COPG2: variants seen among roughly 807,000 people sequenced by gnomAD.
COPG2 encodes the protein coatomer subunit gamma-2.
A neutral mutation model predicts 46.3 loss-of-function variants in COPG2; 37 were observed. The observed-to-expected ratio is 0.80, with a 90% CI of 0.61 to 1.05. The LOEUF is 1.05. Among genes scored for constraint, COPG2 ranks in the 50% least tolerant of loss-of-function variants. COPG2 has a pLI of 0.00. For synonymous variants in COPG2, 159 were observed against 129.7 expected (o/e 1.23, Z -1.53); for missense variants, 427 against 387.8 (o/e 1.10, Z -0.85).
In COPG2 at chr7:130,589,148, C is replaced by T. The variant is rs548947240; in HGVS notation, c.737+21805G>A. Among the ~76,000 whole-genome samples the T allele has an allele frequency of 3.3e-5, 5 of 152,122 alleles. No homozygotes were observed. The East Asian group carries it at 9.7e-4, about 29-fold the overall frequency. ...TTCAAAGGATGTTAAAGACATCTCT[C>T]AATATTTTGATATTACAAGTAATAC... On this transcript the variant is annotated intron_variant, in intron 9 of 23. Coordinates refer to ENST00000425248, the MANE Select transcript of COPG2 (RefSeq NM_012133.6).
chr7:130,664,466 T>G (rs1228225287), intron 3 of COPG2, among the ~76,000 whole-genome samples: 3 of 152,232 alleles, frequency 2.0e-5, no homozygotes, highest in African/African-American at 7.2e-5. Context: ...AGGAAAACCT[T>G]ACATCCTACT....
intron 9 of COPG2, among the ~76,000 whole-genome samples, chr7:130,599,473 C>T (rs1314979850): frequency 1.1e-4 from 16 of 152,168 alleles, no homozygotes; most frequent in African/African-American, 3.6e-4. Flanking sequence ...GACATCGCCA[C>T]CTTTTCCTAG....
chr7:130,633,837 G>C (rs1474199645), intron 5 of COPG2, among the ~76,000 whole-genome samples: 5 of 152,076 alleles, frequency 3.3e-5, no homozygotes, highest in Non-Finnish European at 7.4e-5. Flanking sequence ...TTCTTCTAGG[G>C]TTTTTATGGT....
intron 9 of COPG2, among the ~76,000 whole-genome samples, chr7:130,592,365 C>G (rs1421258684): frequency 6.6e-6 from 1 of 150,424 alleles, no homozygotes. Flanking sequence ...CCTGCCAAAT[C>G]CCCCTCTGCG....
chr7:130,552,593 TA>T, intron 14 of COPG2, among the ~76,000 whole-genome samples, 163 bp from the exon 15 acceptor site: 1 of 152,192 alleles, frequency 6.6e-6, no homozygotes, highest in Non-Finnish European at 1.5e-5. Flanking sequence ...CTGTTAAGCA[TA>T]AATAGAATTC....
intron 5 of COPG2, 37 bp downstream of exon 5, chr7:130,652,832 A>G (rs782153267): frequency 1.2e-5 from 15 of 1,298,462 alleles, no homozygotes; most frequent in Middle Eastern, 1.8e-4. Flanking sequence ...CAGCAAATAT[A>G]TAAGTATCTC....
intron 5 of COPG2, among the ~76,000 whole-genome samples, chr7:130,642,455 A>G (rs368218496): frequency 2.2e-4 from 34 of 152,106 alleles, no homozygotes; most frequent in Admixed American, 2.2e-3. Flanking sequence ...ACCACAGATG[A>G]GTTTGGGGGC....
At chr7:130,636,977 T>C (rs1420960453) in intron 5 of COPG2, among the ~76,000 whole-genome samples, 1 of 152,194 alleles carries the variant, frequency 6.6e-6, no homozygotes, top group Non-Finnish European at 1.5e-5. Flanking sequence ...CTCCTTCACT[T>C]ATGAAGGTTA....
intron 12 of COPG2, 113 bp downstream of exon 12, chr7:130,560,920 A>C (rs1464412717): frequency 2.5e-6 from 1 of 397,018 alleles, no homozygotes; most frequent in Non-Finnish European, 4.4e-6. Flanking sequence ...AAAAAAATTG[A>C]TAAATTAGAC....
chr7:130,587,490 C>T (rs192268688), intron 9 of COPG2, among the ~76,000 whole-genome samples: 12 of 151,968 alleles, frequency 7.9e-5, no homozygotes, highest in Admixed American at 7.9e-4. Context: ...TTTAATTGTA[C>T]AATATTCACC....
intron 20 of COPG2, chr7:130,511,882 G>T (rs1554441064): frequency 1.9e-6 from 1 of 517,154 alleles, no homozygotes; most frequent in Non-Finnish European, 3.9e-6. Flanking sequence ...TAAAGGACTT[G>T]CTTGATAGGA....
chr7:130,585,650 G>C (rs1584984521), intron 9 of COPG2, among the ~76,000 whole-genome samples: 1 of 151,934 alleles, frequency 6.6e-6, no homozygotes, highest in Non-Finnish European at 1.5e-5. Flanking sequence ...CAAAAAGTGG[G>C]CTAAGGAACT....
chr7:130,514,638 A>AC (rs1799663568), intron 20 of COPG2, among the ~76,000 whole-genome samples: 1 of 152,212 alleles, frequency 6.6e-6, no homozygotes, highest in Non-Finnish European at 1.5e-5. Flanking sequence ...AGGGCAAGAT[A>AC]GGTAACAAGG....
At chr7:130,508,492 T>C in intron 21 of COPG2, 70 bp downstream of exon 21, 1 of 688,328 alleles carries the variant, frequency 1.5e-6, no homozygotes. Flanking sequence ...TAGAAAAATG[T>C]TCTCTCAAGG....
At chr7:130,590,904 C>T (rs1400169217) in intron 9 of COPG2, among the ~76,000 whole-genome samples, 2 of 151,470 alleles carry the variant, frequency 1.3e-5, no homozygotes, top group Admixed American at 6.6e-5. Flanking sequence ...GCCTGGCAAC[C>T]GCCCCGTCTG....
At chr7:130,663,376 C>A (rs77263185) in intron 3 of COPG2, among the ~76,000 whole-genome samples, 1 of 152,122 alleles carries the variant, frequency 6.6e-6, no homozygotes, top group Non-Finnish European at 1.5e-5. Context: ...CACAATAGGA[C>A]ATTATTATTA....
At chr7:130,526,463 A>G (rs2116352763) in intron 20 of COPG2, among the ~76,000 whole-genome samples, 1 of 152,222 alleles carries the variant, frequency 6.6e-6, no homozygotes, top group East Asian at 1.9e-4. Context: ...AAAGGCTTCA[A>G]GAAAGAATGT....
At position 130,609,755 on chromosome 7, in the gene COPG2, T is replaced by C. The variant is rs550963038; in HGVS notation, c.737+1198A>G. 2.0e-5 allele frequency among the ~76,000 whole-genome samples: 3 copies of C among 152,346 alleles called. No homozygotes were observed. In the East Asian group the frequency reaches 5.8e-4, roughly 29 times the overall value. On this transcript the variant is annotated intron_variant, in intron 9 of 23. Transcript: ENST00000425248. ...TCTATTGACTTGTCTTTAAGTTCTC[T>C]AATCTTTTTTCCACTGTGTCCAATC...
At chr7:130,517,392 G>A (rs2116342612) in intron 20 of COPG2, among the ~76,000 whole-genome samples, 1 of 152,318 alleles carries the variant, frequency 6.6e-6, no homozygotes, top group East Asian at 1.9e-4. Flanking sequence ...AAGGCCCAAT[G>A]GTAATGAATG....
Sources: gnomAD v4.1 joint callset for allele counts (sites outside exome capture counted in the v4.1 genomes callset) on GRCh38, gnomAD v4.1.1 for gene constraint, MANE v1.5 for transcripts, NCBI Gene and HGNC (gene_info 2026-07-23, HGNC 2026-07-21) for gene names.